LRGUK: variants seen among roughly 807,000 people sequenced by gnomAD.
LRGUK encodes the protein leucine rich repeats and guanylate kinase domain containing, also known as leucine-rich repeat and guanylate kinase domain-containing protein.
Under a neutral mutation model 76.0 loss-of-function variants are expected in LRGUK, and 65 were observed. The ratio of observed to expected loss-of-function variants is 0.85; its 90% CI spans 0.70 to 1.05. The LOEUF is 1.05. Ranked by LOEUF, LRGUK falls within the 50% of genes least tolerant of loss-of-function variation. The probability of loss-of-function intolerance (pLI) is 0.00; values close to 1 mark genes in which losing one functional copy is unlikely to be tolerated. For synonymous variants in LRGUK, 268 were observed against 265.6 expected (o/e 1.01, Z -0.09); for missense variants, 758 against 732.8 (o/e 1.03, Z -0.40).
intron 7 of LRGUK, among the ~76,000 whole-genome samples, chr7:134,172,719 G>T (rs550747016): frequency 6.6e-6 from 1 of 152,298 alleles, no homozygotes; most frequent in Non-Finnish European, 1.5e-5. Flanking sequence ...GCTCACGGCT[G>T]TAATCCTAGC....
At chr7:134,258,470 A>G (rs1311740056) in intron 19 of LRGUK, 65 bp downstream of exon 19, 1 of 1,464,016 alleles carries the variant, frequency 6.8e-7, no homozygotes, top group Non-Finnish European at 9.3e-7. Flanking sequence ...GGCCGAGGCG[A>G]ATGGATCTCC....
chr7:134,141,128 C>G (rs1441665584), intron 3 of LRGUK, among the ~76,000 whole-genome samples: 1 of 152,178 alleles, frequency 6.6e-6, no homozygotes, highest in Non-Finnish European at 1.5e-5. Context: ...CTCTTCAGCC[C>G]GATCAGTCCT....
At chr7:134,205,504 T>C (rs1585553381) in intron 15 of LRGUK, among the ~76,000 whole-genome samples, 4 of 152,328 alleles carry the variant, frequency 2.6e-5, no homozygotes, top group Admixed American at 2.6e-4. Context: ...GATATATGTG[T>C]ATAAACACAT....
intron 5 of LRGUK, among the ~76,000 whole-genome samples, chr7:134,151,459 A>G (rs139466440): frequency 1.1e-3 from 165 of 152,210 alleles, no homozygotes; most frequent in African/African-American, 3.7e-3. Flanking sequence ...CTAGACCCCA[A>G]ATTTTCAAAA....
intron 5 of LRGUK, among the ~76,000 whole-genome samples, chr7:134,151,599 C>A (rs112268775): frequency 0.017 from 2,610 of 152,096 alleles, 80 homozygotes; most frequent in African/African-American, 0.055. Context: ...AAACAACAGG[C>A]TTGTCTCACT....
chr7:134,190,156 A>G (rs1800139743), intron 11 of LRGUK, among the ~76,000 whole-genome samples: 1 of 152,222 alleles, frequency 6.6e-6, no homozygotes, highest in South Asian at 2.1e-4. Context: ...TTTTGTAAGA[A>G]ATAAATGAAA....
chr7:134,148,275 G>A (rs1189560674), exon 5 of LRGUK: 2 of 1,607,054 alleles, frequency 1.2e-6, no homozygotes, highest in East Asian at 2.2e-5. Flanking sequence ...TCTGAAATTT[G>A]TGATTTGTCA....
At chr7:134,207,158 A>T (rs1801043578) in intron 15 of LRGUK, among the ~76,000 whole-genome samples, 1 of 152,192 alleles carries the variant, frequency 6.6e-6, no homozygotes, top group African/African-American at 2.4e-5. Context: ...TATTTTGGTT[A>T]AAAAGCATAC....
chr7:134,245,862 T>C (rs931883078), intron 16 of LRGUK, among the ~76,000 whole-genome samples: 1 of 152,144 alleles, frequency 6.6e-6, no homozygotes, highest in Non-Finnish European at 1.5e-5. Flanking sequence ...TATAGTAAAG[T>C]CAAGCTATTT....
rs148063599 is a variant in LRGUK, at chr7:134,133,240, G to A, written c.298-3783G>A. Among the ~76,000 whole-genome samples the A allele has an allele frequency of 6.0e-3, 908 of 152,246 alleles. 5 individuals are homozygous for A. Among genetic ancestry groups the A allele is most frequent in the Non-Finnish European group, 9.3e-3 (630 of 68,024 alleles). ...CTCTCAATGGGCCATGCTTGCTTTT[G>A]CTTTTGGGATTTTGTACATGCTGCC... On this transcript the variant is annotated intron_variant, in intron 1 of 15. Transcript: ENST00000645682.
intron 16 of LRGUK, among the ~76,000 whole-genome samples, chr7:134,232,425 C>A (rs769063597): frequency 6.6e-6 from 1 of 152,032 alleles, no homozygotes; most frequent in Non-Finnish European, 1.5e-5. Context: ...ATTACAGGCA[C>A]GTGCCACCAC....
At chr7:134,221,036 G>T (rs1164551564) in intron 15 of LRGUK, among the ~76,000 whole-genome samples, 1 of 151,884 alleles carries the variant, frequency 6.6e-6, no homozygotes, top group East Asian at 1.9e-4. Context: ...TTCTTTCTTA[G>T]TTTCCGCCTT....
intron 17 of LRGUK, 33 bp from the exon 18 acceptor site, chr7:134,248,918 G>GTT: frequency 7.5e-7 from 1 of 1,342,190 alleles, no homozygotes; most frequent in Non-Finnish European, 9.8e-7. Flanking sequence ...AAAATCCTTT[G>GTT]GTTTTTTTTT....
chr7:134,195,312 C>T (rs964135483), intron 12 of LRGUK, among the ~76,000 whole-genome samples: 5 of 152,146 alleles, frequency 3.3e-5, no homozygotes, highest in African/African-American at 1.2e-4. Flanking sequence ...GCAGTCTAGT[C>T]CCCATGCAAG....
chr7:134,173,973 G>A (rs922734152), intron 7 of LRGUK, among the ~76,000 whole-genome samples: 4 of 152,244 alleles, frequency 2.6e-5, no homozygotes, highest in South Asian at 2.1e-4. Context: ...TTTAGGCATG[G>A]TGGTGTGTGC....
At chr7:134,157,807 G>A (rs7785920) in intron 5 of LRGUK, among the ~76,000 whole-genome samples, 19,604 of 152,080 alleles carry the variant, frequency 0.13, 1,570 homozygotes, top group East Asian at 0.32. Context: ...ACAGGCGTGA[G>A]CCACCGCACC....
At chr7:134,246,084 G>A (rs774363920) in intron 16 of LRGUK, among the ~76,000 whole-genome samples, 14 of 152,172 alleles carry the variant, frequency 9.2e-5, no homozygotes, top group Non-Finnish European at 1.5e-4. Context: ...GTGAGCCCAC[G>A]TTAGCGCTCA....
At chr7:134,164,007 G>A (rs1231857180) in intron 7 of LRGUK, among the ~76,000 whole-genome samples, 1 of 152,142 alleles carries the variant, frequency 6.6e-6, no homozygotes, top group African/African-American at 2.4e-5. Flanking sequence ...GGTTACATAA[G>A]GAGTTTGTTT....
chr7:134,189,837 A>G lies in LRGUK; in HGVS notation c.1335-1818A>G, dbSNP rs75716438. Among the ~76,000 whole-genome samples, 89 of 152,336 alleles carry G rather than the reference A, an allele frequency of 5.8e-4. 2 individuals carry two copies. The South Asian group carries it at 0.017, about 30-fold the overall frequency. On this transcript the variant is annotated intron_variant, in intron 11 of 15. Coordinates refer to ENST00000645682, the Ensembl canonical transcript of LRGUK. ...CACAGTGTTTTGACAGCCTTCTCTT[A>G]GAATGTACTCTCTTTCCTGAGTATA...
Sources: allele counts gnomAD v4.1 joint callset (sites outside exome capture counted in the v4.1 genomes callset), GRCh38; gene constraint gnomAD v4.1.1; transcripts MANE v1.5; gene names NCBI Gene and HGNC (gene_info 2026-07-23, HGNC 2026-07-21).